FAAH2: variants seen among roughly 807,000 people sequenced by gnomAD.
FAAH2 encodes the protein fatty-acid amide hydrolase 2.
FAAH2 carries 60 observed loss-of-function variants against 36.9 expected under a neutral mutation model. The ratio of observed to expected loss-of-function variants is 1.63; its 90% confidence interval spans 1.32 to 2.02. The LOEUF (loss-of-function observed/expected upper bound fraction) is 2.02, where lower values mean the gene tolerates loss of function less well. FAAH2 is among the 30% of genes most tolerant of loss of function. The pLI is 0.00. For synonymous variants in FAAH2, 214 were observed against 143.8 expected, an observed-to-expected ratio of 1.49 and a Z score of -3.49; for missense variants, 689 against 397.5, an observed-to-expected ratio of 1.73 and a Z score of -6.23.
At chrX:57,384,162 C>A (rs2054941535) in intron 7 of FAAH2, among the ~76,000 whole-genome samples, 1 of 109,601 alleles carries the variant, frequency 9.1e-6, no homozygotes, top group African/African-American at 3.3e-5. Flanking sequence ...ACACCTTATA[C>A]AAAAATTAAT....
intron 10 of FAAH2, among the ~76,000 whole-genome samples, chrX:57,468,897 C>A (rs752536708): frequency 1.8e-5 from 2 of 112,177 alleles, no homozygotes; most frequent in Non-Finnish European, 3.8e-5. Flanking sequence ...AACAGCGGAT[C>A]TCTCAGCAGA....
chrX:57,163,110 A>G, the FAAH2 span, among the ~76,000 whole-genome samples: 5 of 111,594 alleles, frequency 4.5e-5, no homozygotes. Flanking sequence ...GTCTGTTGGA[A>G]TACCCTGCCC....
At chrX:57,453,230 C>A (rs1015643714) in intron 10 of FAAH2, among the ~76,000 whole-genome samples, 5 of 112,372 alleles carry the variant, frequency 4.4e-5, no homozygotes, top group African/African-American at 1.3e-4. Flanking sequence ...TTCACAGCAA[C>A]GTACCCCAGA....
chrX:57,473,825 G>A (rs2057213927), intron 10 of FAAH2, among the ~76,000 whole-genome samples: 1 of 111,181 alleles, frequency 9.0e-6, no homozygotes, highest in Non-Finnish European at 1.9e-5. Flanking sequence ...ATATGAAAGT[G>A]GTTATTCCTG....
the FAAH2 span, among the ~76,000 whole-genome samples, chrX:57,204,272 C>T: frequency 4.7e-4 from 52 of 111,435 alleles, no homozygotes; most frequent in African/African-American, 1.6e-3. Flanking sequence ...TTTATTATGG[C>T]AAATACCGAG....
chrX:57,281,812 A>T (rs1479198044), upstream of FAAH2, among the ~76,000 whole-genome samples: 1 of 111,543 alleles, frequency 9.0e-6, no homozygotes. Context: ...AAGTGAGAAC[A>T]TGCAGTATTT....
At chrX:57,190,480 G>A in the FAAH2 span, among the ~76,000 whole-genome samples, 1 of 109,013 alleles carries the variant, frequency 9.2e-6, no homozygotes, top group African/African-American at 3.3e-5. Flanking sequence ...CAGCTAGCTT[G>A]GTGTCTGACC....
chrX:57,364,680 G>T (rs2054369841), intron 5 of FAAH2, among the ~76,000 whole-genome samples: 1 of 110,156 alleles, frequency 9.1e-6, no homozygotes, highest in Non-Finnish European at 1.9e-5. Flanking sequence ...ATTTCTTGAT[G>T]TAGTTGCTCA....
intron 8 of FAAH2, among the ~76,000 whole-genome samples, chrX:57,439,570 T>G (rs1394041880): frequency 1.8e-5 from 2 of 111,747 alleles, no homozygotes; most frequent in Non-Finnish European, 3.8e-5. Context: ...ACTCTGATGG[T>G]AGTTTCTTTT....
chrX:57,193,072 T>C, the FAAH2 span, among the ~76,000 whole-genome samples: 3 of 112,188 alleles, frequency 2.7e-5, no homozygotes, highest in Non-Finnish European at 3.8e-5. Context: ...CTCTGACCAC[T>C]GGTGAGCTGG....
intron 7 of FAAH2, among the ~76,000 whole-genome samples, chrX:57,404,573 G>T (rs1041652559): frequency 2.7e-5 from 3 of 111,669 alleles, no homozygotes; most frequent in Non-Finnish European, 5.6e-5. Flanking sequence ...TGCCTAAATT[G>T]GGAGGGACAC....
intron 4 of FAAH2, among the ~76,000 whole-genome samples, chrX:57,340,771 G>A (rs1485722624): frequency 9.0e-6 from 1 of 110,828 alleles, no homozygotes; most frequent in Non-Finnish European, 1.9e-5. Flanking sequence ...ACATGGTGGG[G>A]AACAACACAC....
At chrX:57,484,243 C>A (rs2057433565) in intron 10 of FAAH2, among the ~76,000 whole-genome samples, 1 of 110,941 alleles carries the variant, frequency 9.0e-6, no homozygotes, top group African/African-American at 3.3e-5. Flanking sequence ...TCGTGGTGTT[C>A]CCTATGCCCT....
chrX:57,452,817 T>G (rs1179812368), intron 10 of FAAH2, among the ~76,000 whole-genome samples: 3 of 112,055 alleles, frequency 2.7e-5, no homozygotes, highest in Non-Finnish European at 5.6e-5. Flanking sequence ...TTCAGGAGCA[T>G]TTATTCAAGA....
chrX:57,296,464 T>A (rs1376553625), intron 2 of FAAH2, among the ~76,000 whole-genome samples: 1 of 110,680 alleles, frequency 9.0e-6, no homozygotes, highest in African/African-American at 3.3e-5. Flanking sequence ...GTCACCATCA[T>A]CAAAGACCAA....
the FAAH2 span, among the ~76,000 whole-genome samples, chrX:57,262,955 C>T: frequency 9.0e-6 from 1 of 111,060 alleles, no homozygotes; most frequent in South Asian, 3.8e-4. Context: ...TATAGGGGAG[C>T]TTTCTTTATT....
At chrX:57,440,006 C>G (rs1228847650) in intron 8 of FAAH2, among the ~76,000 whole-genome samples, 1 of 111,400 alleles carries the variant, frequency 9.0e-6, no homozygotes, top group Non-Finnish European at 1.9e-5. Context: ...TTACTGTAGC[C>G]TTGTAGTATA....
At chrX:57,418,630 T>C (rs2055912175) in intron 7 of FAAH2, among the ~76,000 whole-genome samples, 1 of 110,934 alleles carries the variant, frequency 9.0e-6, no homozygotes, top group Admixed American at 9.6e-5. Context: ...ACCCACCTTC[T>C]GCGTTGATCT....
Position 57,448,671 on chromosome X carries a change from C to G in FAAH2, c.1376C>G (p.Pro459Arg), listed in dbSNP as rs1449054452. The G allele has an allele frequency of 8.3e-7, 1 of 1,209,580 alleles. No individual in the cohort carries two copies. Among genetic ancestry groups the G allele is most frequent in the Non-Finnish European group, 1.1e-6 (1 of 895,066 alleles). ...FLYPSHPTVAPKHHVPLTRPF... is the reference protein window; with the variant it reads ...FLYPSHPTVARKHHVPLTRPF... Reference sequence around the variant, plus strand: ...TATCCCTCACATCCCACAGTGGCACCTAAGCATCATGTCCCTCTAACACGG... The same window carrying G: ...TATCCCTCACATCCCACAGTGGCACGTAAGCATCATGTCCCTCTAACACGG... The change falls in exon 10 of 11, where the codon CCT (proline) becomes CGT (arginine). Residue 459 changes from proline (P) to arginine (R), a missense_variant. By Grantham distance (103) the Pro-to-Arg change is moderately radical (BLOSUM62 -2). Transcript: ENST00000374900.
Sources: allele counts gnomAD v4.1 joint callset (sites outside exome capture counted in the v4.1 genomes callset), GRCh38; gene constraint gnomAD v4.1.1; transcripts MANE v1.5; gene names NCBI Gene and HGNC (gene_info 2026-07-23, HGNC 2026-07-21).